ST3GAL4: variants seen among roughly 807,000 people sequenced by gnomAD.
The protein encoded by ST3GAL4 is CMP-N-acetylneuraminate-beta-galactosamide-alpha-2,3-sialyltransferase 4.
In ST3GAL4, 24 loss-of-function variants were observed where a neutral mutation model predicts 42.6. The observed-to-expected ratio is 0.56, with a 90% CI of 0.41 to 0.79. The LOEUF (loss-of-function observed/expected upper bound fraction) is 0.79, where lower values mean the gene tolerates loss of function less well. Among genes scored for constraint, ST3GAL4 ranks in the 30% least tolerant of loss-of-function variants. ST3GAL4 has a pLI of 0.00. For missense variants in ST3GAL4, 311 were observed against 430.8 expected, an observed-to-expected ratio of 0.72 and a Z score of 2.46; for synonymous variants, 135 against 163.2, an observed-to-expected ratio of 0.83 and a Z score of 1.32.
rs1188985176 is a variant in ST3GAL4, at chr11:126,392,346, A to G, written c.-60-13750A>G. ...TCAGTTCTGATATGGTGCAGCAGAC[A>G]TGGAGCTGGTAAGTGGTTAAGATCA... On this transcript the variant is annotated intron_variant, in intron 1 of 10. Coordinates refer to ENST00000444328, the MANE Select transcript of ST3GAL4 (RefSeq NM_001254757.2). The surrounding 1 kb of genome is among the most constrained non-coding windows in gnomAD (Gnocchi z 5.8). The G allele has an allele frequency of 1.0e-6, 1 of 985,814 alleles. No homozygotes were observed. Among genetic ancestry groups the G allele is most frequent in the Non-Finnish European group, 1.2e-6 (1 of 829,970 alleles). The allele number at this position is 985,814 out of a possible 1,614,324, so 61.1% of individuals were successfully genotyped here. A position where few individuals can be genotyped will look rare whatever the true frequency, so the allele number is the denominator to read the frequency against.
In ST3GAL4 at chr11:126,384,740, T is replaced by C; in HGVS notation, c.-60-21356T>C. The C allele has an allele frequency of 1.0e-6, 1 of 985,372 alleles. No individual in the cohort carries two copies. Among genetic ancestry groups the C allele is most frequent in the Non-Finnish European group, 1.2e-6 (1 of 829,894 alleles). 61.0% of individuals were successfully genotyped at this position (985,372 alleles called of 1,614,324 possible). A position where few individuals can be genotyped will look rare whatever the true frequency, so the allele number is the denominator to read the frequency against. ...ACACCCCAGCAGCATCTCCTGAGGCTGGGCCATGGGTGAATCTGAGTCGAG... is the reference window on the plus strand; with the variant it reads ...ACACCCCAGCAGCATCTCCTGAGGCCGGGCCATGGGTGAATCTGAGTCGAG... On this transcript the variant is annotated intron_variant, in intron 1 of 10. Coordinates refer to ENST00000444328, the MANE Select transcript of ST3GAL4 (RefSeq NM_001254757.2). The surrounding 1 kb of genome is among the most constrained non-coding windows in gnomAD (Gnocchi z 5.5).
In ST3GAL4 at chr11:126,368,788, G is replaced by T. The variant is rs116812455; in HGVS notation, c.-61+12946G>T. Among the ~76,000 whole-genome samples the T allele has an allele frequency of 3.4e-3, 524 of 152,336 alleles. 5 individuals carry two copies. Among genetic ancestry groups the T allele is most frequent in the African/African-American group, 0.012 (493 of 41,576 alleles). ...CTGGGGTGCTTCTGGCGATGCCCAG[G>T]CCTTTGCACGCTCAGATCTTTGCAC... On this transcript the variant is annotated intron_variant, in intron 1 of 10. Coordinates refer to ENST00000444328, the MANE Select transcript of ST3GAL4 (RefSeq NM_001254757.2).
In ST3GAL4 at chr11:126,397,545, C is replaced by T. The variant is rs139780095; in HGVS notation, c.-60-8551C>T. ...AGTCAAGCCTTCGTAGGAGAGGAAC[C>T]ATTTCAGCCCGATATTACCAGAGTG... On this transcript the variant is annotated intron_variant, in intron 1 of 10. Coordinates refer to ENST00000444328, the MANE Select transcript of ST3GAL4 (RefSeq NM_001254757.2). This position sits in a 1 kb window ranked among gnomAD's most constrained non-coding sequence, Gnocchi z 5.0. Among the ~76,000 whole-genome samples, 2 of 152,278 alleles carry T rather than the reference C, an allele frequency of 1.3e-5. No homozygotes were observed. Among genetic ancestry groups the T allele is most frequent in the East Asian group, 3.9e-4 (2 of 5,176 alleles).
At position 126,373,361 on chromosome 11, in the gene ST3GAL4, G is replaced by A. The variant is rs946768831; in HGVS notation, c.-61+17519G>A. Among the ~76,000 whole-genome samples the A allele has an allele frequency of 2.0e-5, 3 of 152,274 alleles. No homozygotes were observed. Among genetic ancestry groups the A allele is most frequent in the Middle Eastern group, 3.4e-3 (1 of 294 alleles). On this transcript the variant is annotated intron_variant, in intron 1 of 10. Coordinates refer to ENST00000444328, the MANE Select transcript of ST3GAL4 (RefSeq NM_001254757.2). The surrounding 1 kb of genome is among the most constrained non-coding windows in gnomAD (Gnocchi z 5.5). ...GGGGTGCCGGGGAGCCCCTGACCAG[G>A]ACCTGGAGCAGGTCCACACAGGCAC...
chr11:126,389,904 T>G (rs1953408734), intron 1 of ST3GAL4, among the ~76,000 whole-genome samples: 1 of 150,330 alleles, frequency 6.7e-6, no homozygotes, highest in African/African-American at 2.4e-5. Flanking sequence ...CCAGGCGCGG[T>G]GGCTCACGCC....
At chr11:126,405,472 G>C (rs1050462056) in intron 1 of ST3GAL4, 1 of 152,728 alleles carries the variant, frequency 6.5e-6, no homozygotes, top group African/African-American at 2.4e-5. Context: ...ATGGCTGGGT[G>C]GGGAGGCGTG....
intron 1 of ST3GAL4, among the ~76,000 whole-genome samples, chr11:126,390,618 C>CTTTTTTTTTTTTTTTTTTGTTTT (rs1953464632): frequency 7.9e-6 from 1 of 126,686 alleles, no homozygotes; most frequent in Non-Finnish European, 1.6e-5. Context: ...GTGTTCTTTG[C>CTTTTTTTTTTTTTTTTTTGTTTT]TTTTTTTTTT....
intron 1 of ST3GAL4, among the ~76,000 whole-genome samples, chr11:126,368,427 T>C (rs1952517832): frequency 6.6e-6 from 1 of 152,252 alleles, no homozygotes; most frequent in Non-Finnish European, 1.5e-5. Flanking sequence ...CTGTTTCTGC[T>C]GACTTGTCCA....
rs1023399319 is a variant in ST3GAL4 at position 126,386,358 on chromosome 11, C to T, written c.-60-19738C>T. ...CCTGCCACAGTGCTCGAGTCAGTGC[C>T]CTCCCTGCTTGCATTCGGCCCACAG... is the stretch of plus-strand genomic sequence containing the variant. On this transcript the variant is annotated intron_variant, in intron 1 of 10. Coordinates refer to ENST00000444328, the MANE Select transcript of ST3GAL4 (RefSeq NM_001254757.2). This position sits in a 1 kb window ranked among gnomAD's most constrained non-coding sequence, Gnocchi z 4.7. Among the ~76,000 whole-genome samples, 10 of 152,088 alleles carry T rather than the reference C, an allele frequency of 6.6e-5. No homozygotes were observed. The highest frequency in any genetic ancestry group is 2.2e-4 in the African/African-American group (9 of 41,404).
chr11:126,373,740 T>C lies in ST3GAL4; in HGVS notation c.-61+17898T>C, dbSNP rs1368027529. On this transcript the variant is annotated intron_variant, in intron 1 of 10. Coordinates refer to ENST00000444328, the MANE Select transcript of ST3GAL4 (RefSeq NM_001254757.2). The surrounding 1 kb of genome is among the most constrained non-coding windows in gnomAD (Gnocchi z 5.5). ...GACAGCTTGAGAGATGTTTCCATCC[T>C]CCCATGCATGACCCTGAGGCAGTTA... 6.6e-6 allele frequency among the ~76,000 whole-genome samples: 1 copy of C among 152,068 alleles called. No individual in the cohort carries two copies. The highest frequency in any genetic ancestry group is 1.5e-5 in the Non-Finnish European group (1 of 67,990).
rs573807238 is a variant in ST3GAL4 at position 126,393,875 on chromosome 11, T to C, written c.-60-12221T>C. Among the ~76,000 whole-genome samples the C allele has an allele frequency of 3.9e-5, 6 of 152,364 alleles. No homozygotes were observed. Among genetic ancestry groups the C allele is most frequent in the African/African-American group, 1.4e-4 (6 of 41,588 alleles). On this transcript the variant is annotated intron_variant, in intron 1 of 10. Coordinates refer to ENST00000444328, the MANE Select transcript of ST3GAL4 (RefSeq NM_001254757.2). This position sits in a 1 kb window ranked among gnomAD's most constrained non-coding sequence, Gnocchi z 5.9. ...AATTCGTTTTAATATTTTAACCCAA[T>C]ATAGCCAAAATCTTGGCATTTCAAC...
rs571255985 is a variant in ST3GAL4, at chr11:126,411,002, C to T, written c.771+1591C>T. On this transcript the variant is annotated intron_variant, in intron 9 of 10. Coordinates refer to ENST00000444328, the MANE Select transcript of ST3GAL4 (RefSeq NM_001254757.2). The surrounding 1 kb of genome is among the most constrained non-coding windows in gnomAD (Gnocchi z 6.3). Reference sequence around the variant, plus strand: ...ACTGAACTGTTTCCAGTACAAGTGGCGTTGAAGGGCAACAAGGAGTTTCAT... The same window carrying T: ...ACTGAACTGTTTCCAGTACAAGTGGTGTTGAAGGGCAACAAGGAGTTTCAT... Among the ~76,000 whole-genome samples, 351 of 152,092 alleles carry T rather than the reference C, an allele frequency of 2.3e-3. 2 individuals are homozygous for T. Among genetic ancestry groups the T allele is most frequent in the Admixed American group, 4.2e-3 (64 of 15,280 alleles).
chr11:126,362,361 G>T (rs1180614610), intron 1 of ST3GAL4, among the ~76,000 whole-genome samples: 1 of 151,334 alleles, frequency 6.6e-6, no homozygotes, highest in East Asian at 1.9e-4. Flanking sequence ...CATCACACCC[G>T]GCTAATTTTT....
rs147051433 is a variant in ST3GAL4, at chr11:126,391,936, C to CATGTGTGTGTGTGTGTGTGTGTGT, written c.-60-14160_-60-14159insATGTGTGTGTGTGTGTGTGTGTGT. ...CTCAGAACACCTGTGATAACTTGGT[C>CATGTGTGTGTGTGTGTGTGTGTGT]GTGTGTGTGTGTGTGTGTGTGTGTG... On this transcript the variant is annotated intron_variant, in intron 1 of 10. Transcript: ENST00000444328. This position sits in a 1 kb window ranked among gnomAD's most constrained non-coding sequence, Gnocchi z 5.5. Among the ~76,000 whole-genome samples, 10 of 144,392 alleles carry CATGTGTGTGTGTGTGTGTGTGTGT rather than the reference C, an allele frequency of 6.9e-5. No individual in the cohort carries two copies. The highest frequency in any genetic ancestry group is 6.2e-4 in the Admixed American group (9 of 14,500). The allele number at this position is 144,392 out of a possible 152,430, so 94.7% of individuals were successfully genotyped here.
rs1952718660 is a variant in ST3GAL4 at position 126,373,183 on chromosome 11, G to A, written c.-61+17341G>A. On this transcript the variant is annotated intron_variant, in intron 1 of 10. Transcript: ENST00000444328. The surrounding 1 kb of genome is among the most constrained non-coding windows in gnomAD (Gnocchi z 5.5). Reference sequence around the variant, plus strand: ...AGAGGGGGTGCTGCTCTGGAGAGGCGGTGCTGCTTTGGAGATGGATTAATC... The same window carrying A: ...AGAGGGGGTGCTGCTCTGGAGAGGCAGTGCTGCTTTGGAGATGGATTAATC... Among the ~76,000 whole-genome samples, 1 of 152,174 alleles carries A rather than the reference G, an allele frequency of 6.6e-6. No homozygotes were observed. Among genetic ancestry groups the A allele is most frequent in the Non-Finnish European group, 1.5e-5 (1 of 68,036 alleles).
rs1242628757 is a variant in ST3GAL4 at position 126,355,910 on chromosome 11, G to T, written c.-61+68G>T. On this transcript the variant is annotated intron_variant, in intron 1 of 10. Coordinates refer to ENST00000444328, the MANE Select transcript of ST3GAL4 (RefSeq NM_001254757.2). This position sits in a 1 kb window ranked among gnomAD's most constrained non-coding sequence, Gnocchi z 7.1. ...CGGGGCGGGGAGCCGCGGGGTCCTC[G>T]GCCGCCTGACCCCAGCCGGCGCCGC... The T allele has an allele frequency of 6.7e-5, 10 of 149,686 alleles. No homozygotes were observed. In the East Asian group the frequency reaches 2.0e-3, roughly 29 times the overall value. 9.3% of individuals were successfully genotyped at this position (149,686 alleles called of 1,614,324 possible).
intron 1 of ST3GAL4, chr11:126,374,996 A>G (rs1349826528): frequency 1.3e-5 from 2 of 152,204 alleles, no homozygotes; most frequent in Non-Finnish European, 2.9e-5. Context: ...GTTGGCAGAC[A>G]CTGTGGAGAC....
intron 5 of ST3GAL4, 104 bp downstream of exon 5, chr11:126,407,453 C>T (rs566997474): frequency 8.1e-5 from 126 of 1,557,914 alleles, no homozygotes; most frequent in Middle Eastern, 1.7e-4. Context: ...GAGCCTGACT[C>T]GGGTACCAGG....
At chr11:126,361,296 T>C (rs1024998087) in intron 1 of ST3GAL4, among the ~76,000 whole-genome samples, 17 of 152,124 alleles carry the variant, frequency 1.1e-4, no homozygotes, top group African/African-American at 3.4e-4. Flanking sequence ...TCCACTTTTA[T>C]TCCTTGTACA....
Sources: allele counts gnomAD v4.1 joint callset (sites outside exome capture counted in the v4.1 genomes callset), GRCh38; gene constraint gnomAD v4.1.1; non-coding constraint Gnocchi (gnomAD v3.1); transcripts MANE v1.5; gene names NCBI Gene and HGNC (gene_info 2026-07-23, HGNC 2026-07-21).